Variants in METTL15 observed in about 807,000 individuals in gnomAD.
METTL15 encodes methyltransferase 15, mitochondrial 12S rRNA N4-cytidine, also known as 12S rRNA N(4)-cytidine methyltransferase METTL15.
In METTL15, 34 loss-of-function variants were observed where a neutral mutation model predicts 38.3. That is an observed-to-expected ratio of 0.89 (90% CI 0.68 to 1.18). The LOEUF (loss-of-function observed/expected upper bound fraction) is 1.18. Ranked by LOEUF, METTL15 falls within the 50% of genes most tolerant of loss-of-function variation. The pLI, the probability that METTL15 is intolerant of heterozygous loss-of-function variation, is 0.00. For missense variants in METTL15, 438 were observed against 498.4 expected, an observed-to-expected ratio of 0.88 and a Z score of 1.15; for synonymous variants, 162 against 170.9, an observed-to-expected ratio of 0.95 and a Z score of 0.41.
intron 6 of METTL15, among the ~76,000 whole-genome samples, chr11:28,464,767 C>T (rs996675025): frequency 1.3e-5 from 2 of 152,186 alleles, no homozygotes; most frequent in East Asian, 3.8e-4. Context: ...TTTTAGGTTT[C>T]CCCTAAAGGC....
At chr11:28,246,696 T>G (rs1368933866) in intron 4 of METTL15, among the ~76,000 whole-genome samples, 1 of 152,120 alleles carries the variant, frequency 6.6e-6, no homozygotes, top group African/African-American at 2.4e-5. Flanking sequence ...TTTTATGGGA[T>G]TGGTATGGGA....
chr11:28,219,715 T>C (rs895770557), intron 4 of METTL15, among the ~76,000 whole-genome samples: 6 of 152,208 alleles, frequency 3.9e-5, no homozygotes, highest in Non-Finnish European at 7.3e-5. Flanking sequence ...TAAATTTCCC[T>C]CTACACACTG....
intron 5 of METTL15, among the ~76,000 whole-genome samples, chr11:28,374,365 T>G (rs925323758): frequency 3.3e-5 from 5 of 152,158 alleles, no homozygotes; most frequent in Non-Finnish European, 5.9e-5. Context: ...TAGCTCTCCT[T>G]GAAGAGGTCC....
intron 4 of METTL15, among the ~76,000 whole-genome samples, chr11:28,238,892 A>T (rs1854155512): frequency 6.6e-6 from 1 of 152,174 alleles, no homozygotes; most frequent in Admixed American, 6.5e-5. Flanking sequence ...TCTTAGATAA[A>T]CACATAAGCC....
chr11:28,480,835 A>G (rs1033776505), intron 6 of METTL15, among the ~76,000 whole-genome samples: 6 of 152,134 alleles, frequency 3.9e-5, no homozygotes, highest in African/African-American at 1.4e-4. Flanking sequence ...TTTCAGACAG[A>G]AGGAAAAGAC....
chr11:28,197,388 G>T (rs2133813775), intron 3 of METTL15: 2 of 260,094 alleles, frequency 7.7e-6, no homozygotes, highest in Non-Finnish European at 8.4e-6. Context: ...TTATTTTTTT[G>T]ATTAAAATCC....
In METTL15 at chr11:28,238,424, A is replaced by C. The variant is rs529081356; in HGVS notation, c.407+27226A>C. On this transcript the variant is annotated intron_variant, in intron 4 of 6. Transcript: ENST00000407364. ...ACCCTCTGAGCCAGGTGTGGGTTAT[A>C]ATCTCCTGGTGCGCCGTTTCCTAAG... Among the ~76,000 whole-genome samples the C allele has an allele frequency of 1.1e-4, 17 of 152,244 alleles. No individual in the cohort carries two copies. In the East Asian group the frequency reaches 2.3e-3, roughly 21 times the overall value.
intron 4 of METTL15, among the ~76,000 whole-genome samples, chr11:28,230,606 T>C (rs1237990328): frequency 6.6e-6 from 1 of 151,962 alleles, no homozygotes; most frequent in Non-Finnish European, 1.5e-5. Context: ...CCCTTCATGT[T>C]TGGGCTTCTG....
At chr11:28,513,952 A>G (rs761539166) in intron 6 of METTL15, among the ~76,000 whole-genome samples, 27 of 152,188 alleles carry the variant, frequency 1.8e-4, no homozygotes, top group Non-Finnish European at 3.2e-4. Flanking sequence ...GATTTTGTTT[A>G]TGGCCAGTTT....
chr11:28,192,994 A>T (rs1323208245), intron 3 of METTL15, among the ~76,000 whole-genome samples: 2 of 152,066 alleles, frequency 1.3e-5, no homozygotes, highest in Admixed American at 6.6e-5. Context: ...TTAGTACTTT[A>T]TCTTTTTCTT....
chr11:28,282,270 T>G (rs920789775), intron 4 of METTL15, among the ~76,000 whole-genome samples: 1 of 152,160 alleles, frequency 6.6e-6, no homozygotes, highest in African/African-American at 2.4e-5. Context: ...ACCTTGCCCT[T>G]TAGTCTACTT....
chr11:28,169,895 A>G (rs1190255678), intron 3 of METTL15, among the ~76,000 whole-genome samples: 2 of 151,968 alleles, frequency 1.3e-5, no homozygotes, highest in East Asian at 1.9e-4. Flanking sequence ...AATTTTTCCT[A>G]AAGCCTGAAC....
At chr11:28,440,007 A>G (rs1185878083) in intron 6 of METTL15, among the ~76,000 whole-genome samples, 1 of 152,132 alleles carries the variant, frequency 6.6e-6, no homozygotes, top group Admixed American at 6.6e-5. Flanking sequence ...TTGGGTAGAC[A>G]TGGAGGCTTT....
chr11:28,242,722 C>T (rs768768767), intron 4 of METTL15, among the ~76,000 whole-genome samples: 9 of 152,010 alleles, frequency 5.9e-5, no homozygotes, highest in Non-Finnish European at 1.2e-4. Context: ...ACCTTAAAGC[C>T]GATCTGACTA....
At chr11:28,418,522 G>C (rs1850792567) in intron 5 of METTL15, among the ~76,000 whole-genome samples, 1 of 152,138 alleles carries the variant, frequency 6.6e-6, no homozygotes, top group Non-Finnish European at 1.5e-5. Context: ...GACAGAGCAT[G>C]ATGGCTCAAT....
At chr11:28,112,017 G>T (rs1590731223) in intron 2 of METTL15, among the ~76,000 whole-genome samples, 1 of 152,010 alleles carries the variant, frequency 6.6e-6, no homozygotes, top group East Asian at 1.9e-4. Flanking sequence ...GCAGATTATA[G>T]CTTTGGTGAA....
At chr11:28,343,006 C>T (rs1849966514) in intron 3 of METTL15, among the ~76,000 whole-genome samples, 1 of 152,138 alleles carries the variant, frequency 6.6e-6, no homozygotes, top group Non-Finnish European at 1.5e-5. Context: ...GAGAATATGT[C>T]CTCTTCCTGA....
intron 3 of METTL15, among the ~76,000 whole-genome samples, chr11:28,205,242 G>A (rs941905430): frequency 2.6e-5 from 4 of 151,232 alleles, no homozygotes; most frequent in African/African-American, 7.3e-5. Flanking sequence ...ATCTCCTAAT[G>A]CTATCCCTCC....
intron 4 of METTL15, among the ~76,000 whole-genome samples, chr11:28,230,368 A>G (rs577593414): frequency 5.1e-4 from 77 of 152,020 alleles, no homozygotes; most frequent in African/African-American, 1.8e-3. Context: ...TTGAAATGCA[A>G]ATGATATTTA....
Sources: allele counts gnomAD v4.1 joint callset (sites outside exome capture counted in the v4.1 genomes callset), GRCh38; gene constraint gnomAD v4.1.1; transcripts MANE v1.5; gene names NCBI Gene and HGNC (gene_info 2026-07-23, HGNC 2026-07-21).